The following PDE4C variants were observed in gnomAD, a reference collection of about 807,000 sequenced individuals.
The protein encoded by PDE4C is 3',5'-cyclic-AMP phosphodiesterase 4C.
PDE4C carries 50 observed loss-of-function variants against 63.9 expected under a neutral mutation model. The ratio of observed to expected loss-of-function variants is 0.78; its 90% CI spans 0.62 to 0.99. The LOEUF is 0.99. PDE4C is among the 50% of genes least tolerant of loss of function. The pLI is 0.00. For synonymous variants in PDE4C, 377 were observed against 385.1 expected (o/e 0.98, Z 0.25); for missense variants, 777 against 899.1 (o/e 0.86, Z 1.74).
upstream of PDE4C, chr19:18,250,163 G>T: frequency 2.5e-6 from 1 of 398,712 alleles, no homozygotes. Flanking sequence ...AGGACAATCT[G>T]TCATTCACGG....
upstream of PDE4C, among the ~76,000 whole-genome samples, chr19:18,249,583 T>A (rs1969202720): frequency 1.3e-5 from 2 of 150,850 alleles, no homozygotes; most frequent in Non-Finnish European, 3.0e-5. Context: ...CCCTATTTTT[T>A]TTTTTTTTGA....
rs1306527980 is a variant in PDE4C at position 18,220,226 on chromosome 19, C to T, written c.706G>A (p.Asp236Asn). The change falls in exon 7 of 15, where the codon GAC becomes AAC. Residue 236 changes from aspartate to asparagine, a missense_variant and splice_region_variant. By Grantham distance (23) the Asp-to-Asn change is conservative. Transcript: ENST00000262805. The surrounding 1 kb of genome is among the most constrained non-coding windows in gnomAD (Gnocchi z 5.1). ...CAGGCAGTGACTCAACAAAGCTCACCCAGGAAGGTCCGGGAGATGTACTCG... is the reference window on the plus strand; with the variant it reads ...CAGGCAGTGACTCAACAAAGCTCACTCAGGAAGGTCCGGGAGATGTACTCG... The T allele has an allele frequency of 5.6e-6, 9 of 1,613,144 alleles. No homozygotes were observed. The highest frequency in any genetic ancestry group is 7.6e-6 in the Non-Finnish European group (9 of 1,179,268).
In PDE4C at chr19:18,220,206, A is replaced by G; in HGVS notation, c.706+20T>C. 8 of 1,586,698 alleles carry G rather than the reference A, an allele frequency of 5.0e-6. No homozygotes were observed. The highest frequency in any genetic ancestry group is 6.9e-6 in the Non-Finnish European group (8 of 1,155,374). On this transcript the variant is annotated intron_variant, in intron 7 of 14. Transcript: ENST00000262805. This position sits in a 1 kb window ranked among gnomAD's most constrained non-coding sequence, Gnocchi z 5.1. ...AGTACTCCTAAAATGTCGTCCAGGC[A>G]GTGACTCAACAAAGCTCACCCAGGA...
chr19:18,251,218 T>C (rs991921211), upstream of PDE4C, among the ~76,000 whole-genome samples: 2 of 151,384 alleles, frequency 1.3e-5, no homozygotes, highest in Admixed American at 1.3e-4. Flanking sequence ...CTCCGCCTCC[T>C]GGGTTCAAAT....
chr19:18,215,376 C>T (rs951630417), intron 12 of PDE4C, among the ~76,000 whole-genome samples: 14 of 152,158 alleles, frequency 9.2e-5, no homozygotes, highest in South Asian at 2.1e-4. Flanking sequence ...AATTTCATAA[C>T]GGCCGGAACT....
chr19:18,220,404 T>C lies in PDE4C; in HGVS notation c.611A>G (p.Lys204Arg). 1 of 1,614,004 alleles carries C rather than the reference T, an allele frequency of 6.2e-7. No homozygotes were observed. Among genetic ancestry groups the C allele is most frequent in the Non-Finnish European group, 8.5e-7 (1 of 1,179,882 alleles). ...GCTCAGCGATCTGCCCCACCTCACC[T>C]TGTTGGAGGCCATCTCCCCCACCGA... Residue 204 changes from lysine (K) to arginine (R), a missense_variant and splice_region_variant, in exon 6 of 15, where the codon AAG becomes AGG. By Grantham distance (26) the Lys-to-Arg change is conservative. Transcript: ENST00000262805. This position sits in a 1 kb window ranked among gnomAD's most constrained non-coding sequence, Gnocchi z 5.1.
Position 18,213,021 on chromosome 19 carries a change from C to T in PDE4C, c.1512+347G>A, listed in dbSNP as rs1366738040. Among the ~76,000 whole-genome samples, 14 of 138,138 alleles carry T rather than the reference C, an allele frequency of 1.0e-4. No homozygotes were observed. The East Asian group carries it at 3.5e-3, about 35-fold the overall frequency. The allele number at this position is 138,138 out of a possible 152,430, so 90.6% of individuals were successfully genotyped here. A position where few individuals can be genotyped will look rare whatever the true frequency, so the allele number is the denominator to read the frequency against. On this transcript the variant is annotated intron_variant, in intron 13 of 14. Transcript: ENST00000262805. ...TTTTTAAAGTAAAACCGGCCGGGCG[C>T]GGTGGCTCACGCCTGTAATCCCAGC...
chr19:18,248,385 G>A (rs1969169918), upstream of PDE4C, among the ~76,000 whole-genome samples: 1 of 150,320 alleles, frequency 6.7e-6, no homozygotes, highest in Non-Finnish European at 1.5e-5. Context: ...AAGAGGGCCT[G>A]AGGGGACGAG....
upstream of PDE4C, among the ~76,000 whole-genome samples, chr19:18,251,524 G>A (rs988585149): frequency 1.3e-5 from 2 of 150,008 alleles, no homozygotes; most frequent in African/African-American, 4.9e-5. Context: ...AACCTCTGCC[G>A]CCTGGGTTCA....
chr19:18,249,658 C>T (rs1442799973), upstream of PDE4C, among the ~76,000 whole-genome samples: 2 of 150,014 alleles, frequency 1.3e-5, no homozygotes, highest in African/African-American at 4.9e-5. Flanking sequence ...ACTGCAACCT[C>T]CGCCTCCCTG....
In PDE4C at chr19:18,221,087, GC is replaced by G; in HGVS notation, c.449+17del. Reference sequence around the variant, plus strand: ...TCTCTGCCGGCCCCGCCCCCGCCCCGCCCCGCCCTCTACCTACTTGGCTGCT... The same window carrying G: ...TCTCTGCCGGCCCCGCCCCCGCCCCGCCCGCCCTCTACCTACTTGGCTGCT... On this transcript the variant is annotated intron_variant, in intron 4 of 14. Coordinates refer to ENST00000262805, the Ensembl canonical transcript of PDE4C. 9.7e-7 allele frequency: 1 copy of G among 1,027,306 alleles called. No homozygotes were observed. Among genetic ancestry groups the G allele is most frequent in the Non-Finnish European group, 1.4e-6 (1 of 706,358 alleles). The allele number at this position is 1,027,306 out of a possible 1,614,324, so 63.6% of individuals were successfully genotyped here.
intron 1 of PDE4C, among the ~76,000 whole-genome samples, chr19:18,231,667 C>A (rs271828): frequency 0.44 from 67,295 of 151,908 alleles, 15,779 homozygotes; most frequent in East Asian, 0.78. Context: ...CCATCCAAGG[C>A]CACTCAGCCT....
chr19:18,234,266 G>C (rs574998875), upstream of PDE4C: 1 of 152,290 alleles, frequency 6.6e-6, no homozygotes, highest in Non-Finnish European at 1.5e-5. Flanking sequence ...TGAGACTCTC[G>C]TGCTTTTAAA....
chr19:18,240,713 C>A (rs549657086), intron 1 of PDE4C, among the ~76,000 whole-genome samples: 9 of 152,022 alleles, frequency 5.9e-5, no homozygotes, highest in African/African-American at 1.9e-4. Flanking sequence ...GGCAACAGAG[C>A]GAGACTACGT....
intron 4 of PDE4C, 23 bp downstream of exon 4, chr19:18,221,081 CG>C: frequency 2.8e-5 from 30 of 1,075,786 alleles, no homozygotes; most frequent in Non-Finnish European, 3.5e-5. Flanking sequence ...GCCCCGCCCC[CG>C]CCCCGCCCCG....
intron 7 of PDE4C, among the ~76,000 whole-genome samples, chr19:18,219,861 T>G (rs1968382030): frequency 6.6e-6 from 1 of 151,346 alleles, no homozygotes; most frequent in Non-Finnish European, 1.5e-5. Flanking sequence ...TGTAGCTACC[T>G]ACCCCTCTCC....
the PDE4C span, among the ~76,000 whole-genome samples, chr19:18,254,743 G>C: frequency 6.6e-6 from 1 of 152,110 alleles, no homozygotes; most frequent in African/African-American, 2.4e-5. Flanking sequence ...GAAGCTCAAG[G>C]CTCCTCCCCT....
downstream of PDE4C, chr19:18,210,044 A>C (rs1967859705): frequency 6.6e-6 from 1 of 151,678 alleles, no homozygotes; most frequent in Admixed American, 6.6e-5. Flanking sequence ...ATTTTTAGAC[A>C]GGATCTTGCT....
the PDE4C span, among the ~76,000 whole-genome samples, chr19:18,253,614 A>G: frequency 6.6e-6 from 1 of 151,962 alleles, no homozygotes; most frequent in Admixed American, 6.6e-5. Flanking sequence ...GTGACACTCA[A>G]CTATAAAGAT....
Sources: allele counts gnomAD v4.1 joint callset (sites outside exome capture counted in the v4.1 genomes callset), GRCh38; gene constraint gnomAD v4.1.1; non-coding constraint Gnocchi (gnomAD v3.1); transcripts MANE v1.5; gene names NCBI Gene and HGNC (gene_info 2026-07-23, HGNC 2026-07-21).